The following TMEM181 variants were observed in gnomAD, a reference collection of about 807,000 sequenced individuals.
TMEM181 encodes G protein-coupled receptor 178.
Under a neutral mutation model 71.9 loss-of-function variants are expected in TMEM181, and 39 were observed. The ratio of observed to expected loss-of-function variants is 0.54; its 90% CI spans 0.42 to 0.71. TMEM181 has a LOEUF of 0.71. Among genes scored for constraint, TMEM181 ranks in the 30% least tolerant of loss-of-function variants. TMEM181 has a pLI of 0.00. For synonymous variants in TMEM181, 245 were observed against 228.8 expected, an observed-to-expected ratio of 1.07 and a Z score of -0.64; for missense variants, 595 against 583.0, an observed-to-expected ratio of 1.02 and a Z score of -0.21.
At chr6:158,561,325 A>C (rs1782160163) in intron 1 of TMEM181, among the ~76,000 whole-genome samples, 1 of 152,208 alleles carries the variant, frequency 6.6e-6, no homozygotes. Context: ...AATGGCATCA[A>C]ATATCAGACC....
chr6:158,631,253 G>A (rs1045242222), intron 15 of TMEM181, 70 bp from the exon 16 acceptor site: 1 of 1,531,056 alleles, frequency 6.5e-7, no homozygotes, highest in Non-Finnish European at 9.0e-7. Flanking sequence ...CTTTGTCCGG[G>A]ACAGCATCCT....
chr6:158,605,334 C>A lies in TMEM181; in HGVS notation c.560C>A (p.Thr187Asn). 6.2e-7 allele frequency: 1 copy of A among 1,613,962 alleles called. No individual in the cohort carries two copies. The highest frequency in any genetic ancestry group is 8.5e-7 in the Non-Finnish European group (1 of 1,179,966). Residue 187 changes from threonine (T) to asparagine (N), a missense_variant, in exon 7 of 17, where the codon ACC becomes AAC. Thr to Asn is a moderately conservative substitution (Grantham distance 65). Transcript: ENST00000684151. ...IWFRFFFVVL[T>N]FIVTCLFAHS... ...TTCCGGTTTTTCTTTGTGGTGCTCA[C>A]CTTCATCGTCACTGTGAGTACCATT...
rs1345626541 is a variant in TMEM181, at chr6:158,623,550, A to G, written c.897A>G (p.Thr299=). The change falls in exon 11 of 17, where the codon ACA becomes ACG. Residue 299 remains threonine, a splice_region_variant and synonymous_variant. Transcript: ENST00000684151. ...LASVTLGIWQ[T]VNELHDPMYQ... Reference sequence around the variant, plus strand: ...AATTATTTATAATGTCAATTTTTAGAGTTAACGAATTACATGATCCAATGT... The same window carrying G: ...AATTATTTATAATGTCAATTTTTAGGGTTAACGAATTACATGATCCAATGT... 4 of 1,550,970 alleles carry G rather than the reference A, an allele frequency of 2.6e-6. No homozygotes were observed. The highest frequency in any genetic ancestry group is 1.7e-4 in the Middle Eastern group (1 of 5,874).
At chr6:158,623,676 G>T in intron 11 of TMEM181, 69 bp downstream of exon 11, 1 of 1,150,246 alleles carries the variant, frequency 8.7e-7, no homozygotes, top group South Asian at 1.5e-5. Flanking sequence ...TGAATTTTGT[G>T]ACTTAAATTG....
At chr6:158,625,495 C>G (rs903135362) in intron 12 of TMEM181, among the ~76,000 whole-genome samples, 1 of 152,160 alleles carries the variant, frequency 6.6e-6, no homozygotes, top group Admixed American at 6.5e-5. Context: ...CTGTCCCCAC[C>G]AGAGGATGGT....
At chr6:158,624,037 C>T (rs1716593560) in intron 11 of TMEM181, among the ~76,000 whole-genome samples, 1 of 152,196 alleles carries the variant, frequency 6.6e-6, no homozygotes, top group Non-Finnish European at 1.5e-5. Context: ...GCTGGGATTA[C>T]AGGCGTGAGC....
At chr6:158,549,993 G>A (rs1267339799) in intron 1 of TMEM181, among the ~76,000 whole-genome samples, 3 of 117,998 alleles carry the variant, frequency 2.5e-5, no homozygotes, top group South Asian at 5.4e-4. Flanking sequence ...ACTCCACTTT[G>A]ATTCTGATAA....
chr6:158,596,681 G>T (rs919446620), intron 6 of TMEM181, among the ~76,000 whole-genome samples: 42 of 152,280 alleles, frequency 2.8e-4, no homozygotes, highest in African/African-American at 9.6e-4. Flanking sequence ...AAGAAAAAGG[G>T]GTTTAATTGG....
At chr6:158,591,158 T>G (rs1582997508) in intron 6 of TMEM181, among the ~76,000 whole-genome samples, 1 of 152,334 alleles carries the variant, frequency 6.6e-6, no homozygotes, top group East Asian at 1.9e-4. Context: ...CTACACAAAA[T>G]GAGTTTTTTT....
chr6:158,576,033 G>C (rs1783134581), intron 2 of TMEM181, among the ~76,000 whole-genome samples: 1 of 152,198 alleles, frequency 6.6e-6, no homozygotes, highest in South Asian at 2.1e-4. Context: ...GAAGCTTGGA[G>C]AGGATTCTGG....
At chr6:158,542,130 C>T (rs141158426) in intron 1 of TMEM181, among the ~76,000 whole-genome samples, 1 of 152,018 alleles carries the variant, frequency 6.6e-6, no homozygotes, top group Non-Finnish European at 1.5e-5. Context: ...TGGTCTCGAA[C>T]CCCTGACCTC....
At chr6:158,556,448 A>C (rs1281121381), upstream of TMEM181, among the ~76,000 whole-genome samples, 2 of 152,212 alleles carry the variant, frequency 1.3e-5, no homozygotes, top group East Asian at 3.8e-4. Context: ...TTGCAATGGG[A>C]ATATATGTGC....
intron 6 of TMEM181, among the ~76,000 whole-genome samples, chr6:158,590,932 T>A (rs569813682): frequency 6.6e-6 from 1 of 152,348 alleles, no homozygotes; most frequent in East Asian, 1.9e-4. Flanking sequence ...GTCTGGACAT[T>A]TCGTGTGAAT....
At chr6:158,562,535 G>T (rs1437834580) in intron 1 of TMEM181, among the ~76,000 whole-genome samples, 1 of 151,576 alleles carries the variant, frequency 6.6e-6, no homozygotes, top group Non-Finnish European at 1.5e-5. Flanking sequence ...TTCATCCTGG[G>T]GGCATTTCAA....
rs1469834197 is a variant in TMEM181, at chr6:158,592,807, A to G, written c.492+3025A>G. Among the ~76,000 whole-genome samples, 4 of 152,166 alleles carry G rather than the reference A, an allele frequency of 2.6e-5. No homozygotes were observed. In the East Asian group the frequency reaches 5.8e-4, roughly 22 times the overall value. ...GTGGTGCACACCTGTAGTCCCAGCT[A>G]CTAGGTAGGCTTAGGCAGGAGGATC... On this transcript the variant is annotated intron_variant, in intron 6 of 16. Transcript: ENST00000684151.
intron 5 of TMEM181, among the ~76,000 whole-genome samples, chr6:158,585,907 C>G (rs1045600547): frequency 2.0e-5 from 3 of 152,184 alleles, no homozygotes; most frequent in Non-Finnish European, 2.9e-5. Flanking sequence ...TCACTGCAGC[C>G]TCAAACTCCT....
At chr6:158,626,934 T>TCTCACC (rs55927745) in intron 13 of TMEM181, among the ~76,000 whole-genome samples, 38,672 of 80,178 alleles carry the variant, frequency 0.48, 6,270 homozygotes, top group East Asian at 0.67. Flanking sequence ...TCACCCTCAT[T>TCTCACC]CTCACCCTCA....
chr6:158,576,302 A>C (rs907026392), intron 2 of TMEM181, among the ~76,000 whole-genome samples: 3 of 152,148 alleles, frequency 2.0e-5, no homozygotes, highest in Non-Finnish European at 2.9e-5. Context: ...GGTGGGCAAA[A>C]AGGACCCTGT....
chr6:158,608,703 T>C lies in TMEM181; in HGVS notation c.849T>C (p.Ile283=). 6.2e-7 allele frequency: 1 copy of C among 1,613,502 alleles called. No homozygotes were observed. Among genetic ancestry groups the C allele is most frequent in the East Asian group, 2.2e-5 (1 of 44,892 alleles). Residue 283 remains isoleucine (I), a synonymous_variant, in exon 10 of 17, where the codon ATT becomes ATC. Coordinates refer to ENST00000684151, the MANE Select transcript of TMEM181 (RefSeq NM_001376852.1). ...CLTFYLPKFF[I]VGLLWLASVT... ...CTTTCTATTTGCCTAAATTCTTCAT[T>C]GTTGGACTATTGTGGTTGGCTTCTG...
Sources: gnomAD v4.1 joint callset for allele counts (sites outside exome capture counted in the v4.1 genomes callset) on GRCh38, gnomAD v4.1.1 for gene constraint, MANE v1.5 for transcripts, NCBI Gene and HGNC (gene_info 2026-07-23, HGNC 2026-07-21) for gene names.